The following OPA3 variants were observed in gnomAD, a reference collection of about 807,000 sequenced individuals.
OPA3 encodes the protein optic atrophy 3 protein.
In OPA3, 6 loss-of-function variants were observed where a neutral mutation model predicts 4.0. The ratio of observed to expected loss-of-function variants is 1.51; its 90% CI spans 0.83 to 2.99. The LOEUF is 2.99. OPA3 is among the 30% of genes most tolerant of loss of function. The probability of loss-of-function intolerance (pLI) is 0.00; values close to 1 mark genes in which losing one functional copy is unlikely to be tolerated. For missense variants in OPA3, 235 were observed against 256.2 expected, an observed-to-expected ratio of 0.92 and a Z score of 0.56; for synonymous variants, 105 against 117.1, an observed-to-expected ratio of 0.90 and a Z score of 0.67.
chr19:45,552,199 C>A lies in OPA3; in HGVS notation c.*1315G>T. ...GTACAATGATTCCAGGGATTGACTG[C>A]AGGCCAGGACCTTTTGTGGGTTTTT... On this transcript the variant is annotated 3_prime_UTR_variant, in exon 2 of 2. Transcript: ENST00000263275. 1.0e-6 allele frequency: 1 copy of A among 980,130 alleles called. No individual in the cohort carries two copies. Among genetic ancestry groups the A allele is most frequent in the Non-Finnish European group, 1.2e-6 (1 of 827,506 alleles). 60.7% of individuals were successfully genotyped at this position (980,130 alleles called of 1,614,324 possible). A position where few individuals can be genotyped will look rare whatever the true frequency, so the allele number is the denominator to read the frequency against.
chr19:45,581,530 C>G lies in OPA3; in HGVS notation c.142+3093G>C, dbSNP rs974201949. Reference sequence around the variant, plus strand: ...CCACTGTTGGGGGATACGTCTGTCCCCCGCAGGACTAGGAATTCCTTGAGG... The same window carrying G: ...CCACTGTTGGGGGATACGTCTGTCCGCCGCAGGACTAGGAATTCCTTGAGG... On this transcript the variant is annotated intron_variant, in intron 1 of 1. Transcript: ENST00000263275. Among the ~76,000 whole-genome samples the G allele has an allele frequency of 4.6e-5, 7 of 152,178 alleles. 1 individual carries two copies. The highest frequency in any genetic ancestry group is 1.3e-4 in the Admixed American group (2 of 15,272).
Position 45,582,081 on chromosome 19 carries a change from G to C in OPA3, c.142+2542C>G, listed in dbSNP as rs1333327269. 2.6e-5 allele frequency among the ~76,000 whole-genome samples: 4 copies of C among 152,134 alleles called. No individual in the cohort carries two copies. In the South Asian group the frequency reaches 6.2e-4, roughly 24 times the overall value. On this transcript the variant is annotated intron_variant, in intron 1 of 1. Coordinates refer to ENST00000263275, the MANE Select transcript of OPA3 (RefSeq NM_025136.4). ...CAAAGTGCTGGAATTACAGACGTGA[G>C]CCACCGCGCCCCAGCCAGGAGTCTT... is the stretch of plus-strand genomic sequence containing the variant.
chr19:45,562,343 C>CAAAAA (rs1218744939), intron 1 of OPA3, among the ~76,000 whole-genome samples: 16 of 69,004 alleles, frequency 2.3e-4, no homozygotes, highest in Admixed American at 5.5e-4. Context: ...GACTCCATCT[C>CAAAAA]AAAAAAAAAA....
At chr19:45,565,862 G>A (rs987601075) in intron 1 of OPA3, among the ~76,000 whole-genome samples, 9 of 152,142 alleles carry the variant, frequency 5.9e-5, no homozygotes, top group African/African-American at 1.7e-4. Flanking sequence ...CAGAAAGGAG[G>A]ATCACTTGAG....
intron 1 of OPA3, among the ~76,000 whole-genome samples, chr19:45,539,048 G>A (rs1969153454): frequency 6.6e-6 from 1 of 152,140 alleles, no homozygotes; most frequent in African/African-American, 2.4e-5. Flanking sequence ...AAGTGAAAGG[G>A]CAGGAAAAAC....
Position 45,549,737 on chromosome 19 carries a change from C to T in OPA3, c.*3777G>A, listed in dbSNP as rs1969304285. On this transcript the variant is annotated 3_prime_UTR_variant, in exon 2 of 2. Transcript: ENST00000263275. ...TCATGTGATCAGTCCACCTTGGCCT[C>T]TCAAAGTGCTGGGATGACAGGCGTG... The T allele has an allele frequency of 1.0e-6, 1 of 984,450 alleles. No individual in the cohort carries two copies. The allele number at this position is 984,450 out of a possible 1,614,324, so 61.0% of individuals were successfully genotyped here. A position where few individuals can be genotyped will look rare whatever the true frequency, so the allele number is the denominator to read the frequency against.
At chr19:45,571,089 T>C (rs1356123468) in intron 1 of OPA3, among the ~76,000 whole-genome samples, 1 of 152,008 alleles carries the variant, frequency 6.6e-6, no homozygotes, top group Non-Finnish European at 1.5e-5. Context: ...CATACTATTA[T>C]ATGTTAGCGC....
intron 1 of OPA3, among the ~76,000 whole-genome samples, chr19:45,540,095 G>A (rs1440530508): frequency 6.6e-6 from 1 of 152,052 alleles, no homozygotes; most frequent in African/African-American, 2.4e-5. Flanking sequence ...GAGGCAGGTG[G>A]ATCACGAGCT....
At chr19:45,567,098 G>A (rs989135316) in intron 1 of OPA3, among the ~76,000 whole-genome samples, 2 of 152,068 alleles carry the variant, frequency 1.3e-5, no homozygotes, top group Non-Finnish European at 2.9e-5. Flanking sequence ...CCAGCACTTT[G>A]GGAGGCCAAG....
At chr19:45,583,459 C>T (rs1314899962) in intron 1 of OPA3, among the ~76,000 whole-genome samples, 1 of 148,856 alleles carries the variant, frequency 6.7e-6, no homozygotes, top group Non-Finnish European at 1.5e-5. Flanking sequence ...GCAAGATCAC[C>T]TTTTTAAAGT....
Position 45,546,804 on chromosome 19 carries a change from T to A in OPA3, c.*6710A>T, listed in dbSNP as rs1969255753. ...TGTCAGCCTCTCATGTAGCTGGGATTACAGATGTGCACCACCACACCCGGC... is the reference window on the plus strand; with the variant it reads ...TGTCAGCCTCTCATGTAGCTGGGATAACAGATGTGCACCACCACACCCGGC... On this transcript the variant is annotated 3_prime_UTR_variant, in exon 2 of 2. Coordinates refer to ENST00000263275, the MANE Select transcript of OPA3 (RefSeq NM_025136.4). The A allele has an allele frequency of 6.6e-6, 1 of 152,196 alleles. No homozygotes were observed. The allele number at this position is 152,196 out of a possible 1,614,324, so 9.4% of individuals were successfully genotyped here.
rs992823983 is a variant in OPA3, at chr19:45,553,457, G to A, written c.*57C>T. The A allele has an allele frequency of 4.4e-6, 7 of 1,607,422 alleles. No individual in the cohort carries two copies. Among genetic ancestry groups the A allele is most frequent in the Non-Finnish European group, 5.9e-6 (7 of 1,179,860 alleles). ...AGCGCAGGCAAGGGTGGTGCGGGAA[G>A]AAGGCCACGTTAGGTACATAGGCCA... is the stretch of plus-strand genomic sequence containing the variant. On this transcript the variant is annotated 3_prime_UTR_variant, in exon 2 of 2. Coordinates refer to ENST00000263275, the MANE Select transcript of OPA3 (RefSeq NM_025136.4).
intron 1 of OPA3, among the ~76,000 whole-genome samples, chr19:45,572,637 T>C (rs1212087814): frequency 7.2e-6 from 1 of 139,006 alleles, no homozygotes; most frequent in African/African-American, 2.7e-5. Flanking sequence ...TATATAAATA[T>C]ATATATCGAT....
chr19:45,568,706 G>A (rs2122483700), intron 1 of OPA3, among the ~76,000 whole-genome samples: 1 of 152,150 alleles, frequency 6.6e-6, no homozygotes, highest in Middle Eastern at 3.4e-3. Context: ...CCAACTTTTG[G>A]TTCAAGGGAT....
At chr19:45,542,540 C>A (rs145945439), downstream of OPA3, among the ~76,000 whole-genome samples, 309 of 152,184 alleles carry the variant, frequency 2.0e-3, 3 homozygotes, top group African/African-American at 6.5e-3. Flanking sequence ...CGTGTCTAGA[C>A]ACATCCAAAC....
downstream of OPA3, among the ~76,000 whole-genome samples, chr19:45,542,541 A>G (rs533680650): frequency 6.6e-6 from 1 of 152,346 alleles, no homozygotes; most frequent in South Asian, 2.1e-4. Flanking sequence ...GTGTCTAGAC[A>G]CATCCAAACA....
At chr19:45,564,329 G>A (rs1969549902) in intron 1 of OPA3, among the ~76,000 whole-genome samples, 1 of 152,034 alleles carries the variant, frequency 6.6e-6, no homozygotes, top group South Asian at 2.1e-4. Context: ...AGGGGAGAGG[G>A]GGAAAGGGCG....
exon 2 of OPA3, chr19:45,529,395 G>A (rs765146461): frequency 6.2e-7 from 1 of 1,614,220 alleles, no homozygotes; most frequent in Non-Finnish European, 8.5e-7. Flanking sequence ...TCAGCGGCTT[G>A]ATGGCAGCGG....
At chr19:45,573,899 A>T (rs950628613) in intron 1 of OPA3, among the ~76,000 whole-genome samples, 1 of 152,216 alleles carries the variant, frequency 6.6e-6, no homozygotes, top group African/African-American at 2.4e-5. Context: ...GCGGTGGCTC[A>T]CGCCTGTAAT....
Sources: allele counts gnomAD v4.1 joint callset (sites outside exome capture counted in the v4.1 genomes callset), GRCh38; gene constraint gnomAD v4.1.1; transcripts MANE v1.5; gene names NCBI Gene and HGNC (gene_info 2026-07-23, HGNC 2026-07-21).